Variants in BTBD7 observed in about 807,000 individuals in gnomAD.
BTBD7 encodes the protein BTB/POZ domain-containing protein 7.
A neutral mutation model predicts 99.9 loss-of-function variants in BTBD7; 38 were observed. That is an observed-to-expected ratio of 0.38 (90% CI 0.29 to 0.50). The LOEUF (loss-of-function observed/expected upper bound fraction) is 0.50. Ranked by LOEUF, BTBD7 falls within the 20% of genes least tolerant of loss-of-function variation. The pLI is 0.93. For missense variants in BTBD7, 1,170 were observed against 1,394.6 expected, an observed-to-expected ratio of 0.84 and a Z score of 2.57; for synonymous variants, 520 against 511.4, an observed-to-expected ratio of 1.02 and a Z score of -0.23.
chr14:93,264,087 C>CA, intron 3 of BTBD7, 94 bp from the exon 4 acceptor site: 2 of 1,077,428 alleles, frequency 1.9e-6, no homozygotes, highest in Non-Finnish European at 2.7e-6. Context: ...GTCACAATAG[C>CA]AAAAAAGAAC....
At chr14:93,246,368 T>C (rs2052311270) in intron 9 of BTBD7, 82 bp from the exon 10 acceptor site, 12 of 1,368,216 alleles carry the variant, frequency 8.8e-6, no homozygotes, top group African/African-American at 1.5e-5. Context: ...GAGAATTAAG[T>C]GAGGTACTTA....
intron 2 of BTBD7, 57 bp from the exon 3 acceptor site, chr14:93,294,994 G>T: frequency 2.1e-6 from 3 of 1,441,442 alleles, no homozygotes; most frequent in Non-Finnish European, 2.7e-6. Context: ...CATTTTCAAC[G>T]TTTAACATTT....
intron 3 of BTBD7, among the ~76,000 whole-genome samples, chr14:93,272,225 T>C (rs150452685): frequency 0.018 from 2,675 of 152,226 alleles, 84 homozygotes; most frequent in African/African-American, 0.062. Context: ...GAGATTGCAG[T>C]GAGCCAAGAT....
chr14:93,321,360 A>G (rs1050251913), intron 1 of BTBD7, among the ~76,000 whole-genome samples: 7 of 152,226 alleles, frequency 4.6e-5, no homozygotes, highest in Non-Finnish European at 8.8e-5. Context: ...TCAGAGGCCT[A>G]GGCGGGTGGA....
At chr14:93,321,682 T>C (rs766049393) in intron 1 of BTBD7, among the ~76,000 whole-genome samples, 7 of 152,124 alleles carry the variant, frequency 4.6e-5, no homozygotes, top group Non-Finnish European at 8.8e-5. Context: ...CATAAATCAG[T>C]GGCGATAAAG....
chr14:93,262,339 TAGTC>T (rs1465552692), intron 4 of BTBD7, among the ~76,000 whole-genome samples: 1 of 152,056 alleles, frequency 6.6e-6, no homozygotes, highest in Non-Finnish European at 1.5e-5. Context: ...TTTACCTTGT[TAGTC>T]AGGATGGTCT....
chr14:93,317,967 C>A lies in BTBD7; in HGVS notation c.-107+14853G>T, dbSNP rs142262554. Among the ~76,000 whole-genome samples, 3 of 152,324 alleles carry A rather than the reference C, an allele frequency of 2.0e-5. No homozygotes were observed. In the South Asian group the frequency reaches 6.2e-4, roughly 32 times the overall value. On this transcript the variant is annotated intron_variant, in intron 1 of 10. Transcript: ENST00000334746. ...TTGTAACAAGTCAATGCATCCTACG[C>A]GGCTTCACTGGGATAAGACTCTTGA...
chr14:93,238,635 C>T lies in BTBD7; in HGVS notation c.*3638G>A, dbSNP rs2052187396. 6.6e-6 allele frequency: 1 copy of T among 152,220 alleles called. No individual in the cohort carries two copies. The highest frequency in any genetic ancestry group is 1.5e-5 in the Non-Finnish European group (1 of 68,030). The allele number at this position is 152,220 out of a possible 1,614,324, so 9.4% of individuals were successfully genotyped here. A position where few individuals can be genotyped will look rare whatever the true frequency, so the allele number is the denominator to read the frequency against. On this transcript the variant is annotated 3_prime_UTR_variant, in exon 11 of 11. Coordinates refer to ENST00000334746, the MANE Select transcript of BTBD7 (RefSeq NM_001002860.4). ...CAAAATAAGTATCTTACAAGTGTTT[C>T]ATGAAACATTGTTTTCCTAAAAGGC...
intron 1 of BTBD7, among the ~76,000 whole-genome samples, chr14:93,306,484 A>G (rs1304836081): frequency 1.3e-5 from 2 of 152,032 alleles, no homozygotes; most frequent in Non-Finnish European, 2.9e-5. Flanking sequence ...AAACAATTCA[A>G]ACAGAACATA....
chr14:93,330,985 T>C (rs2053396019), intron 1 of BTBD7, among the ~76,000 whole-genome samples: 2 of 152,196 alleles, frequency 1.3e-5, no homozygotes, highest in African/African-American at 4.8e-5. Context: ...AATATTGACC[T>C]ATGAGTTTTA....
chr14:93,271,301 GC>G (rs2052598033), intron 3 of BTBD7, among the ~76,000 whole-genome samples: 2 of 152,130 alleles, frequency 1.3e-5, no homozygotes, highest in Admixed American at 6.6e-5. Flanking sequence ...TTTTCCGCTG[GC>G]TCATGTCCAT....
intron 3 of BTBD7, among the ~76,000 whole-genome samples, chr14:93,266,620 G>T (rs2139711778): frequency 6.6e-6 from 1 of 152,214 alleles, no homozygotes; most frequent in Middle Eastern, 3.4e-3. Context: ...ATTAAAAAAA[G>T]GATCCTTCTA....
At chr14:93,317,685 G>A (rs985382517) in intron 1 of BTBD7, among the ~76,000 whole-genome samples, 1 of 152,220 alleles carries the variant, frequency 6.6e-6, no homozygotes, top group South Asian at 2.1e-4. Context: ...TGCATGCAAA[G>A]ATGGCCCTTG....
intron 3 of BTBD7, among the ~76,000 whole-genome samples, chr14:93,268,857 C>A (rs2052571520): frequency 6.7e-6 from 1 of 149,162 alleles, no homozygotes; most frequent in Admixed American, 6.9e-5. Context: ...CTCCTGGGTT[C>A]AAGGGATTCT....
At chr14:93,269,917 C>T (rs945383356) in intron 3 of BTBD7, among the ~76,000 whole-genome samples, 1 of 152,090 alleles carries the variant, frequency 6.6e-6, no homozygotes, top group Non-Finnish European at 1.5e-5. Flanking sequence ...CCTGCTGATC[C>T]ACAGTGGCAA....
At chr14:93,248,331 T>C (rs1361496728) in intron 9 of BTBD7, 145 bp downstream of exon 9, 1 of 793,438 alleles carries the variant, frequency 1.3e-6, no homozygotes, top group Admixed American at 2.8e-5. Context: ...CAGGAGGGAC[T>C]TGCAGGTTAT....
chr14:93,273,879 C>T (rs2052626395), intron 3 of BTBD7, among the ~76,000 whole-genome samples: 1 of 152,028 alleles, frequency 6.6e-6, no homozygotes. Context: ...GCTATATGCA[C>T]TGGCAGGTCC....
intron 1 of BTBD7, among the ~76,000 whole-genome samples, chr14:93,296,358 A>G (rs12884084): frequency 0.17 from 25,497 of 152,186 alleles, 2,366 homozygotes; most frequent in East Asian, 0.31. Flanking sequence ...AAATGTACCA[A>G]TTATATACTT....
chr14:93,308,527 A>G (rs1184803073), intron 1 of BTBD7, among the ~76,000 whole-genome samples: 1 of 152,212 alleles, frequency 6.6e-6, no homozygotes, highest in Non-Finnish European at 1.5e-5. Context: ...AAAAGTGAAA[A>G]CAGGGACTCA....
Sources: allele counts gnomAD v4.1 joint callset (sites outside exome capture counted in the v4.1 genomes callset), GRCh38; gene constraint gnomAD v4.1.1; transcripts MANE v1.5; gene names NCBI Gene and HGNC (gene_info 2026-07-23, HGNC 2026-07-21).